The following PRKAR1A variants were observed in gnomAD, a reference collection of about 807,000 sequenced individuals.
PRKAR1A encodes protein kinase cAMP-dependent type I regulatory subunit alpha, also known as cAMP-dependent protein kinase type I-alpha regulatory subunit.
Under a neutral mutation model 52.0 loss-of-function variants are expected in PRKAR1A, and 3 were observed. The observed-to-expected ratio is 0.06, with a 90% CI of 0.03 to 0.15. The LOEUF (loss-of-function observed/expected upper bound fraction) is 0.15, where lower values mean the gene tolerates loss of function less well. Among genes scored for constraint, PRKAR1A ranks in the 10% least tolerant of loss-of-function variants. PRKAR1A has a pLI of 1.00. For missense variants in PRKAR1A, 240 were observed against 477.4 expected (o/e 0.50, Z 4.63); for synonymous variants, 188 against 168.4 (o/e 1.12, Z -0.90).
chr17:68,495,920 C>G, the PRKAR1A span, among the ~76,000 whole-genome samples: 1 of 144,004 alleles, frequency 6.9e-6, no homozygotes, highest in African/African-American at 2.6e-5. Context: ...GGCTCCTGGT[C>G]CCTCTCTGCG....
chr17:68,542,310 T>A, intron 11 of PRKAR1A: 3 of 939,338 alleles, frequency 3.2e-6, no homozygotes, highest in Non-Finnish European at 1.6e-6. Context: ...AACATTGACT[T>A]TTCCAGAAGT....
chr17:68,534,560 C>CTT (rs34994040), downstream of PRKAR1A, among the ~76,000 whole-genome samples: 41 of 111,032 alleles, frequency 3.7e-4, no homozygotes, highest in African/African-American at 6.1e-4. Context: ...TTTTTAGTGC[C>CTT]TTTTTTTTTT....
At chr17:68,461,316 A>C in the PRKAR1A span, among the ~76,000 whole-genome samples, 1 of 152,218 alleles carries the variant, frequency 6.6e-6, no homozygotes, top group Non-Finnish European at 1.5e-5. This position sits in a 1 kb window ranked among gnomAD's most constrained non-coding sequence, Gnocchi z 4.6. Context: ...GGGAATTAAA[A>C]ACATGTTTGG....
the PRKAR1A span, chr17:68,430,192 T>G: frequency 6.3e-7 from 1 of 1,585,986 alleles, no homozygotes; most frequent in South Asian, 1.1e-5. Context: ...ACGATGGGAC[T>G]GGGCTGCAGG....
At chr17:68,431,081 A>G in the PRKAR1A span, among the ~76,000 whole-genome samples, 2 of 152,154 alleles carry the variant, frequency 1.3e-5, no homozygotes, top group Admixed American at 6.5e-5. Flanking sequence ...TGTCTGTCCC[A>G]CAGCCCTGTG....
the PRKAR1A span, chr17:68,430,081 C>T: frequency 1.9e-6 from 3 of 1,614,150 alleles, no homozygotes; most frequent in Non-Finnish European, 2.5e-6. Context: ...ATGTCTGACA[C>T]CTGGGTAGGG....
the PRKAR1A span, among the ~76,000 whole-genome samples, chr17:68,460,149 AT>A: frequency 6.6e-6 from 1 of 152,140 alleles, no homozygotes; most frequent in South Asian, 2.1e-4. Context: ...AGAACTAAAT[AT>A]TGAATATCCG....
chr17:68,546,237 C>T (rs1269484269), intron 11 of PRKAR1A, among the ~76,000 whole-genome samples: 2 of 147,416 alleles, frequency 1.4e-5, no homozygotes, highest in African/African-American at 5.1e-5. Flanking sequence ...GCAGTTGCAA[C>T]AATTCAGTCA....
the PRKAR1A span, among the ~76,000 whole-genome samples, chr17:68,415,065 G>T: frequency 2.0e-5 from 3 of 151,862 alleles, no homozygotes; most frequent in African/African-American, 7.3e-5. Context: ...CCTTTTGTCT[G>T]CTGGGTTTTG....
chr17:68,491,717 T>C, the PRKAR1A span, among the ~76,000 whole-genome samples: 1 of 152,078 alleles, frequency 6.6e-6, no homozygotes, highest in African/African-American at 2.4e-5. Flanking sequence ...TCTGGAGGAC[T>C]TGGGGCTTGG....
At chr17:68,526,013 G>A (rs2085778455) in intron 7 of PRKAR1A, 101 bp downstream of exon 7, 19 of 1,400,862 alleles carry the variant, frequency 1.4e-5, no homozygotes, top group Non-Finnish European at 1.9e-5. Flanking sequence ...CTTTTAATGA[G>A]CAAATATTTC....
chr17:68,447,312 C>G, the PRKAR1A span, among the ~76,000 whole-genome samples: 1 of 152,164 alleles, frequency 6.6e-6, no homozygotes, highest in Non-Finnish European at 1.5e-5. Context: ...CAGTTCAATA[C>G]AAGAGAAATA....
the PRKAR1A span, among the ~76,000 whole-genome samples, chr17:68,501,421 T>C: frequency 6.6e-6 from 1 of 152,204 alleles, no homozygotes; most frequent in African/African-American, 2.4e-5. Context: ...TATGGCGTTA[T>C]AATCAATAAG....
intron 11 of PRKAR1A, among the ~76,000 whole-genome samples, chr17:68,546,922 AAAC>A (rs1401969636): frequency 2.6e-5 from 4 of 152,164 alleles, no homozygotes; most frequent in Non-Finnish European, 5.9e-5. Flanking sequence ...GCAGGCATGA[AAAC>A]AACATTAGTC....
chr17:68,457,422 C>T, the PRKAR1A span: 2 of 1,477,864 alleles, frequency 1.4e-6, no homozygotes, highest in Non-Finnish European at 1.8e-6. Flanking sequence ...CGGCCTCCAT[C>T]GGGGGCTCGG....
the PRKAR1A span, among the ~76,000 whole-genome samples, chr17:68,498,190 G>A: frequency 2.6e-5 from 4 of 152,106 alleles, no homozygotes; most frequent in African/African-American, 7.2e-5. Context: ...TTTTCTCTCC[G>A]TAACGACCAT....
At chr17:68,510,814 A>G (rs1343740620), upstream of PRKAR1A, among the ~76,000 whole-genome samples, 1 of 152,104 alleles carries the variant, frequency 6.6e-6, no homozygotes, top group Non-Finnish European at 1.5e-5. Flanking sequence ...GATATCGCCT[A>G]TGTATCCCTA....
intron 11 of PRKAR1A, among the ~76,000 whole-genome samples, chr17:68,545,880 T>A (rs1039445793): frequency 6.6e-6 from 1 of 152,176 alleles, no homozygotes; most frequent in African/African-American, 2.4e-5. Flanking sequence ...AAGAAGCCAC[T>A]CCTTATTGGT....
At chr17:68,509,353 C>T (rs530809443), upstream of PRKAR1A, among the ~76,000 whole-genome samples, 32 of 152,154 alleles carry the variant, frequency 2.1e-4, no homozygotes, top group African/African-American at 7.0e-4. Flanking sequence ...TTTGTAGAGA[C>T]GGCGGTCTCA....
Sources: allele counts gnomAD v4.1 joint callset (sites outside exome capture counted in the v4.1 genomes callset), GRCh38; gene constraint gnomAD v4.1.1; non-coding constraint Gnocchi (gnomAD v3.1); transcripts MANE v1.5; gene names NCBI Gene and HGNC (gene_info 2026-07-23, HGNC 2026-07-21).